The following ANO5 variants were observed in gnomAD, a reference collection of about 807,000 sequenced individuals.
ANO5 encodes anoctamin-5.
A neutral mutation model predicts 121.0 loss-of-function variants in ANO5; 109 were observed. That is an observed-to-expected ratio of 0.90 (90% CI 0.77 to 1.06). The LOEUF (loss-of-function observed/expected upper bound fraction) is 1.06, where lower values mean the gene tolerates loss of function less well. Ranked by LOEUF, ANO5 falls within the 50% of genes least tolerant of loss-of-function variation. The pLI is 0.00. For synonymous variants in ANO5, 406 were observed against 359.9 expected, an observed-to-expected ratio of 1.13 and a Z score of -1.45; for missense variants, 1,064 against 1,078.5, an observed-to-expected ratio of 0.99 and a Z score of 0.19.
intron 2 of ANO5, among the ~76,000 whole-genome samples, chr11:22,206,364 T>C (rs927411179): frequency 2.0e-5 from 3 of 152,226 alleles, no homozygotes; most frequent in Admixed American, 2.0e-4. Flanking sequence ...TCACCCAGGC[T>C]GGAGTGCAGT....
chr11:22,192,928 G>A, upstream of ANO5: 2 of 960,706 alleles, frequency 2.1e-6, no homozygotes, highest in Non-Finnish European at 2.5e-6. Context: ...TGAGCGGAGA[G>A]GAGGGGGCCA....
chr11:22,240,069 T>C (rs930377856), intron 9 of ANO5, among the ~76,000 whole-genome samples: 4 of 152,126 alleles, frequency 2.6e-5, no homozygotes, highest in African/African-American at 7.2e-5. Context: ...GCAATATTAC[T>C]ACTTTTTAGC....
chr11:22,228,226 A>G (rs1852912791), intron 7 of ANO5, among the ~76,000 whole-genome samples: 1 of 152,096 alleles, frequency 6.6e-6, no homozygotes. Context: ...GTTCAGACAT[A>G]AAGAGCTTTG....
intron 21 of ANO5, among the ~76,000 whole-genome samples, chr11:22,276,850 T>C (rs1291914892): frequency 6.6e-6 from 1 of 151,342 alleles, no homozygotes; most frequent in Non-Finnish European, 1.5e-5. Flanking sequence ...AAAGGTACTT[T>C]TTCACCCTGG....
chr11:22,218,287 G>A lies in ANO5; in HGVS notation c.180G>A (p.Met60Ile). The A allele has an allele frequency of 6.2e-7, 1 of 1,613,316 alleles. No homozygotes were observed. Among genetic ancestry groups the A allele is most frequent in the Non-Finnish European group, 8.5e-7 (1 of 1,179,638 alleles). ...RFNLFLRRRL[M>I]FQKNQQSKDS... ...ATTTGTTCCTGAGGCGGCGGCTTATGGTAAAACCAGTGCTGAATGATGCTG... is the reference window on the plus strand; with the variant it reads ...ATTTGTTCCTGAGGCGGCGGCTTATAGTAAAACCAGTGCTGAATGATGCTG... Residue 60 changes from methionine (M) to isoleucine (I), a missense_variant and splice_region_variant, in exon 4 of 22, where the codon ATG becomes ATA. Transcript: ENST00000324559.
chr11:22,215,843 G>A (rs570967195), intron 3 of ANO5, among the ~76,000 whole-genome samples: 2 of 151,772 alleles, frequency 1.3e-5, no homozygotes, highest in African/African-American at 2.4e-5. Flanking sequence ...TCTAGCAACC[G>A]CTGATTTGTT....
intron 9 of ANO5, among the ~76,000 whole-genome samples, chr11:22,239,920 A>C (rs1293052826): frequency 6.6e-6 from 1 of 152,114 alleles, no homozygotes; most frequent in Non-Finnish European, 1.5e-5. Context: ...AGCTAGGCTG[A>C]ATTCCAATCC....
At chr11:22,277,773 G>A (rs935035925) in intron 21 of ANO5, 16 of 151,080 alleles carry the variant, frequency 1.1e-4, no homozygotes, top group Admixed American at 1.1e-3. Flanking sequence ...TTAATTTTTT[G>A]TAATCATTGC....
chr11:22,236,247 A>G lies in ANO5; in HGVS notation c.733A>G (p.Thr245Ala). 1.2e-6 allele frequency: 2 copies of G among 1,612,974 alleles called. No individual in the cohort carries two copies. Among genetic ancestry groups the G allele is most frequent in the Non-Finnish European group, 1.7e-6 (2 of 1,179,282 alleles). ...FGIERLLNSNTYSSAYPLHDG... is the reference protein window; with the variant it reads ...FGIERLLNSNAYSSAYPLHDG... ...GATTGAAAGACTGCTAAACTCTAAC[A>G]CTTACTCATCTGCCTATCCACTCCA... The change falls in exon 8 of 22, where the codon ACT becomes GCT. Residue 245 changes from threonine to alanine, a missense_variant. Physicochemically the swap from Thr to Ala is moderately conservative, Grantham distance 58. Coordinates refer to ENST00000324559, the MANE Select transcript of ANO5 (RefSeq NM_213599.3).
chr11:22,271,233 T>G (rs1854601165), intron 18 of ANO5, among the ~76,000 whole-genome samples: 1 of 152,154 alleles, frequency 6.6e-6, no homozygotes, highest in Admixed American at 6.5e-5. Flanking sequence ...TTTTTGTATT[T>G]TTAGTAGAGT....
chr11:22,270,536 G>T, intron 18 of ANO5, 94 bp downstream of exon 18: 2 of 1,558,896 alleles, frequency 1.3e-6, no homozygotes, highest in Non-Finnish European at 1.8e-6. Flanking sequence ...CATGGTAGGT[G>T]TTCAATAAAT....
chr11:22,195,603 TA>T (rs1222813627), intron 1 of ANO5, among the ~76,000 whole-genome samples: 1 of 151,994 alleles, frequency 6.6e-6, no homozygotes, highest in African/African-American at 2.4e-5. Flanking sequence ...AGCTAATTAT[TA>T]TTTTTTTTAT....
At chr11:22,195,949 T>C (rs1445407961) in intron 1 of ANO5, among the ~76,000 whole-genome samples, 1 of 152,212 alleles carries the variant, frequency 6.6e-6, no homozygotes, top group Non-Finnish European at 1.5e-5. Context: ...GTGGCATTGA[T>C]GAGATCAGGG....
chr11:22,272,872 A>G lies in ANO5; in HGVS notation c.2118A>G (p.Arg706=). 2 of 1,614,076 alleles carry G rather than the reference A, an allele frequency of 1.2e-6. No individual in the cohort carries two copies. The highest frequency in any genetic ancestry group is 1.7e-6 in the Non-Finnish European group (2 of 1,179,996). The change falls in exon 19 of 22, where the codon CGA becomes CGG. Residue 706 remains arginine, a synonymous_variant. Transcript: ENST00000324559. ...TCATAAATAATATTGTAGAGATTCG[A>G]GTGGATGCCTGGAAACTTACCACTC... ...LALINNIVEI[R]VDAWKLTTQY...
At chr11:22,244,781 T>A (rs996783909) in intron 9 of ANO5, among the ~76,000 whole-genome samples, 10 of 152,192 alleles carry the variant, frequency 6.6e-5, no homozygotes, top group African/African-American at 2.4e-4. Context: ...GCTCTTAGAT[T>A]GTTTTACTGG....
At chr11:22,279,132 C>A (rs1854979872) in intron 21 of ANO5, among the ~76,000 whole-genome samples, 1 of 151,794 alleles carries the variant, frequency 6.6e-6, no homozygotes, top group Non-Finnish European at 1.5e-5. Flanking sequence ...GTCCTTATTG[C>A]CTTCTTTCCT....
rs796151035 is a variant in ANO5 at position 22,280,836 on chromosome 11, T to A, written c.*1071T>A. ...ACCTCTGACACACAAGAAGTCATGT[T>A]GTTAGCTAGTGATTTGATGTGATGT... On this transcript the variant is annotated 3_prime_UTR_variant, in exon 22 of 22. Coordinates refer to ENST00000324559, the MANE Select transcript of ANO5 (RefSeq NM_213599.3). 6 of 152,130 alleles carry A rather than the reference T, an allele frequency of 3.9e-5. No individual in the cohort carries two copies. The highest frequency in any genetic ancestry group is 1.4e-4 in the African/African-American group (6 of 41,572). The allele number at this position is 152,130 out of a possible 1,614,324, so 9.4% of individuals were successfully genotyped here.
Position 22,272,999 on chromosome 11 carries a change from C to A in ANO5, c.2235+10C>A. On this transcript the variant is annotated intron_variant, in intron 19 of 21. Coordinates refer to ENST00000324559, the MANE Select transcript of ANO5 (RefSeq NM_213599.3). Reference sequence around the variant, plus strand: ...TTCTGTTGCAACTAATGTAAGTGGACCTATTTCGGTGGGGTGACTTTGTAT... The same window carrying A: ...TTCTGTTGCAACTAATGTAAGTGGAACTATTTCGGTGGGGTGACTTTGTAT... 6.2e-7 allele frequency: 1 copy of A among 1,612,164 alleles called. No homozygotes were observed. The highest frequency in any genetic ancestry group is 1.3e-5 in the African/African-American group (1 of 74,862).
chr11:22,229,217 T>C (rs771868616), intron 7 of ANO5, among the ~76,000 whole-genome samples: 1 of 152,010 alleles, frequency 6.6e-6, no homozygotes, highest in Non-Finnish European at 1.5e-5. Flanking sequence ...ATTAATTTAA[T>C]CATCAGGGTT....
Sources: gnomAD v4.1 joint callset for allele counts (sites outside exome capture counted in the v4.1 genomes callset) on GRCh38, gnomAD v4.1.1 for gene constraint, MANE v1.5 for transcripts, NCBI Gene and HGNC (gene_info 2026-07-23, HGNC 2026-07-21) for gene names.